Variants in USP46 observed in about 807,000 individuals in gnomAD.
USP46 encodes the protein ubiquitin specific peptidase 46.
Under a neutral mutation model 44.4 loss-of-function variants are expected in USP46, and 12 were observed. The observed-to-expected ratio is 0.27, with a 90% confidence interval of 0.17 to 0.44. USP46 has a LOEUF of 0.44. Among genes scored for constraint, USP46 ranks in the 20% least tolerant of loss-of-function variants. The pLI is 1.00. For synonymous variants in USP46, 155 were observed against 161.5 expected, an observed-to-expected ratio of 0.96 and a Z score of 0.31; for missense variants, 248 against 444.8, an observed-to-expected ratio of 0.56 and a Z score of 3.98.
chr4:52,651,926 C>G (rs563704055), intron 1 of USP46, among the ~76,000 whole-genome samples: 2 of 152,160 alleles, frequency 1.3e-5, no homozygotes, highest in Non-Finnish European at 2.9e-5. Flanking sequence ...CAGTGATTAT[C>G]TTGTCATCAT....
chr4:52,652,193 C>T (rs1027034385), intron 1 of USP46, among the ~76,000 whole-genome samples: 1 of 152,156 alleles, frequency 6.6e-6, no homozygotes, highest in African/African-American at 2.4e-5. Context: ...CACAAAGGCA[C>T]AATGTCACAC....
At chr4:52,609,897 T>TC (rs1716865414) in intron 5 of USP46, among the ~76,000 whole-genome samples, 3 of 102,060 alleles carry the variant, frequency 2.9e-5, no homozygotes. Context: ...CAATTCTATT[T>TC]CTTTTTTTTT....
At chr4:52,610,767 C>G (rs1716908142) in intron 4 of USP46, 150 bp from the exon 5 acceptor site, 1 of 654,492 alleles carries the variant, frequency 1.5e-6, no homozygotes, top group Non-Finnish European at 2.6e-6. Context: ...ACCCAGTTAC[C>G]TCAAAAACAA....
intron 2 of USP46, among the ~76,000 whole-genome samples, chr4:52,630,497 G>A (rs1717777015): frequency 6.6e-6 from 1 of 152,190 alleles, no homozygotes; most frequent in Non-Finnish European, 1.5e-5. Flanking sequence ...GCTCACACCT[G>A]TAATCCCCAC....
chr4:52,637,534 A>G (rs571836324), intron 1 of USP46, among the ~76,000 whole-genome samples: 6 of 152,220 alleles, frequency 3.9e-5, no homozygotes, highest in East Asian at 3.9e-4. Flanking sequence ...TCAAAAACCT[A>G]TGGGTCATGC....
intron 2 of USP46, among the ~76,000 whole-genome samples, chr4:52,629,389 A>G (rs559935067): frequency 6.6e-6 from 1 of 152,328 alleles, no homozygotes; most frequent in South Asian, 2.1e-4. Flanking sequence ...TACACAAACT[A>G]GGAAATGGCC....
chr4:52,653,822 T>C (rs1718856451), intron 1 of USP46, among the ~76,000 whole-genome samples: 1 of 151,806 alleles, frequency 6.6e-6, no homozygotes, highest in African/African-American at 2.4e-5. Flanking sequence ...TCACACTAAC[T>C]AGAAAGACCA....
chr4:52,629,549 G>A (rs946064720), intron 2 of USP46: 3 of 454,854 alleles, frequency 6.6e-6, no homozygotes, highest in Middle Eastern at 6.7e-4. Context: ...AAAATCATAA[G>A]TCAGTATTTC....
chr4:52,614,850 C>A (rs1470432360), intron 4 of USP46, among the ~76,000 whole-genome samples: 1 of 152,094 alleles, frequency 6.6e-6, no homozygotes, highest in Non-Finnish European at 1.5e-5. Context: ...ACAACTACAG[C>A]ATAAAGAACA....
intron 4 of USP46, 35 bp from the exon 5 acceptor site, chr4:52,610,652 G>T: frequency 1.3e-6 from 2 of 1,592,056 alleles, no homozygotes; most frequent in South Asian, 1.1e-5. Context: ...TATTAGGCAT[G>T]AAATATGTAG....
chr4:52,611,581 T>A (rs906653886), intron 4 of USP46, among the ~76,000 whole-genome samples: 1 of 152,192 alleles, frequency 6.6e-6, no homozygotes, highest in Non-Finnish European at 1.5e-5. Context: ...TACACTCTTT[T>A]ATACTTTTAG....
chr4:52,642,750 T>C (rs1718393899), intron 1 of USP46, among the ~76,000 whole-genome samples: 1 of 152,188 alleles, frequency 6.6e-6, no homozygotes, highest in Non-Finnish European at 1.5e-5. Context: ...GGACCTTTTA[T>C]CTAGCCAAAG....
chr4:52,650,651 T>C (rs112791531), intron 1 of USP46, among the ~76,000 whole-genome samples: 338 of 152,358 alleles, frequency 2.2e-3, no homozygotes, highest in African/African-American at 7.7e-3. Context: ...CATTATTTTT[T>C]CATGCTTTTT....
intron 7 of USP46, among the ~76,000 whole-genome samples, chr4:52,601,604 C>T (rs929907005): frequency 2.6e-5 from 4 of 152,124 alleles, no homozygotes; most frequent in African/African-American, 4.8e-5. Flanking sequence ...TCATAACCAT[C>T]GTTTTCATGC....
intron 1 of USP46, among the ~76,000 whole-genome samples, chr4:52,637,545 C>T (rs953236728): frequency 2.0e-5 from 3 of 152,074 alleles, no homozygotes; most frequent in Non-Finnish European, 4.4e-5. Flanking sequence ...TGGGTCATGC[C>T]GACATCGTCC....
chr4:52,594,468 T>C lies in USP46; in HGVS notation c.*3172A>G, dbSNP rs1716147224. 5 of 152,132 alleles carry C rather than the reference T, an allele frequency of 3.3e-5. No individual in the cohort carries two copies. Among genetic ancestry groups the C allele is most frequent in the Admixed American group, 2.0e-4 (3 of 15,272 alleles). 9.4% of individuals were successfully genotyped at this position (152,132 alleles called of 1,614,324 possible). On this transcript the variant is annotated 3_prime_UTR_variant, in exon 9 of 9. Coordinates refer to ENST00000441222, the MANE Select transcript of USP46 (RefSeq NM_022832.4). ...ATTAGGCAGAAAAGTAGGAAATAATTTTCCCTGACCCATGCCACTTACATG... is the reference window on the plus strand; with the variant it reads ...ATTAGGCAGAAAAGTAGGAAATAATCTTCCCTGACCCATGCCACTTACATG...
intron 1 of USP46, among the ~76,000 whole-genome samples, chr4:52,649,875 A>C (rs1718689208): frequency 6.6e-6 from 1 of 152,204 alleles, no homozygotes; most frequent in African/African-American, 2.4e-5. Context: ...TCACATCGGA[A>C]TCAACTGTGG....
At chr4:52,627,221 G>A (rs1717629929) in intron 3 of USP46, among the ~76,000 whole-genome samples, 1 of 152,170 alleles carries the variant, frequency 6.6e-6, no homozygotes, top group Non-Finnish European at 1.5e-5. Flanking sequence ...TGTATAAACT[G>A]TAACTTCAAA....
chr4:52,594,393 G>A lies in USP46; in HGVS notation c.*3247C>T, dbSNP rs1198112062. ...ATACAGTAACTATTTTGGTTATACA[G>A]AAATGGAAGCCAAAAATAAATTAAT... On this transcript the variant is annotated 3_prime_UTR_variant, in exon 9 of 9. Transcript: ENST00000441222. The A allele has an allele frequency of 6.6e-6, 1 of 152,128 alleles. No individual in the cohort carries two copies. The highest frequency in any genetic ancestry group is 2.4e-5 in the African/African-American group (1 of 41,440). 9.4% of individuals were successfully genotyped at this position (152,128 alleles called of 1,614,324 possible).
Sources: allele counts gnomAD v4.1 joint callset (sites outside exome capture counted in the v4.1 genomes callset), GRCh38; gene constraint gnomAD v4.1.1; transcripts MANE v1.5; gene names NCBI Gene and HGNC (gene_info 2026-07-23, HGNC 2026-07-21).